Variants in GPR158 observed in about 807,000 individuals in gnomAD.
GPR158 encodes the protein G protein-coupled receptor 158.
A neutral mutation model predicts 78.2 loss-of-function variants in GPR158; 30 were observed. The observed-to-expected ratio is 0.38, with a 90% CI of 0.29 to 0.52. GPR158 has a LOEUF of 0.52. GPR158 is among the 20% of genes least tolerant of loss of function. The pLI is 0.83. For synonymous variants in GPR158, 581 were observed against 591.1 expected, an observed-to-expected ratio of 0.98 and a Z score of 0.25; for missense variants, 1,463 against 1,523.5, an observed-to-expected ratio of 0.96 and a Z score of 0.66.
rs1186495521 is a variant in GPR158 at position 25,600,320 on chromosome 10, G to A, written c.*1046G>A. Reference sequence around the variant, plus strand: ...CTACTTAGCAGCATTTCCAAAGGAAGAAGCTAAGAGTGAGAAAAATATACC... The same window carrying A: ...CTACTTAGCAGCATTTCCAAAGGAAAAAGCTAAGAGTGAGAAAAATATACC... On this transcript the variant is annotated 3_prime_UTR_variant, in exon 11 of 11. Coordinates refer to ENST00000376351, the MANE Select transcript of GPR158 (RefSeq NM_020752.3). The A allele has an allele frequency of 6.6e-6, 1 of 152,510 alleles. No homozygotes were observed. The highest frequency in any genetic ancestry group is 1.9e-4 in the East Asian group (1 of 5,186). The allele number at this position is 152,510 out of a possible 1,614,324, so 9.4% of individuals were successfully genotyped here. A position where few individuals can be genotyped will look rare whatever the true frequency, so the allele number is the denominator to read the frequency against.
At chr10:25,303,019 A>G (rs1854621670) in intron 2 of GPR158, among the ~76,000 whole-genome samples, 1 of 152,202 alleles carries the variant, frequency 6.6e-6, no homozygotes. Flanking sequence ...GGCATTAGGC[A>G]AAGACTCTCA....
intron 2 of GPR158, among the ~76,000 whole-genome samples, chr10:25,380,448 ATATT>A (rs377277284): frequency 6.6e-6 from 1 of 152,174 alleles, no homozygotes; most frequent in African/African-American, 2.4e-5. Flanking sequence ...AGATCTATCT[ATATT>A]TATGTATATA....
chr10:25,397,679 G>A (rs824595), intron 3 of GPR158, among the ~76,000 whole-genome samples: 70,545 of 151,900 alleles, frequency 0.46, 20,246 homozygotes, highest in Non-Finnish European at 0.66. Flanking sequence ...CTCCTCCGCC[G>A]CATATTTCAG....
chr10:25,577,498 A>AAAAC (rs1430980703), intron 7 of GPR158, among the ~76,000 whole-genome samples: 4 of 152,252 alleles, frequency 2.6e-5, no homozygotes, highest in Non-Finnish European at 5.9e-5. Context: ...TTACCCGTCA[A>AAAAC]AAACAATCCC....
intron 2 of GPR158, among the ~76,000 whole-genome samples, chr10:25,370,673 G>T (rs1420465729): frequency 2.7e-5 from 4 of 150,246 alleles, no homozygotes; most frequent in Admixed American, 2.7e-4. Flanking sequence ...TTCTGTAGAT[G>T]TCTATTAGGT....
At chr10:25,539,734 T>G (rs1405546439) in intron 5 of GPR158, among the ~76,000 whole-genome samples, 1 of 152,148 alleles carries the variant, frequency 6.6e-6, no homozygotes, top group Admixed American at 6.5e-5. Flanking sequence ...AGACCATGGT[T>G]GTATAAAGAC....
chr10:25,357,937 G>A (rs898128097), intron 2 of GPR158, among the ~76,000 whole-genome samples: 5 of 152,090 alleles, frequency 3.3e-5, no homozygotes, highest in African/African-American at 1.2e-4. Context: ...GCAGCTGGGA[G>A]GGAGGCTATA....
intron 4 of GPR158, among the ~76,000 whole-genome samples, chr10:25,443,500 A>T (rs970369765): frequency 6.7e-6 from 1 of 149,348 alleles, no homozygotes; most frequent in African/African-American, 2.5e-5. Context: ...AGTTACAGTG[A>T]GCCAAGTTCG....
At chr10:25,515,785 T>A (rs1176931988) in intron 5 of GPR158, among the ~76,000 whole-genome samples, 1 of 147,284 alleles carries the variant, frequency 6.8e-6, no homozygotes, top group Non-Finnish European at 1.5e-5. Context: ...GACATTTGGG[T>A]TGGTTCCAAG....
intron 3 of GPR158, among the ~76,000 whole-genome samples, chr10:25,396,583 G>A (rs978289682): frequency 9.9e-5 from 15 of 152,018 alleles, no homozygotes; most frequent in Non-Finnish European, 1.9e-4. Flanking sequence ...AGGATCGCTT[G>A]AGCTCAGGAG....
At chr10:25,512,048 T>A (rs377011363) in intron 5 of GPR158, among the ~76,000 whole-genome samples, 2 of 152,092 alleles carry the variant, frequency 1.3e-5, no homozygotes, top group South Asian at 2.1e-4. Context: ...AATTTTAGGA[T>A]TGTTTTTCCT....
intron 4 of GPR158, among the ~76,000 whole-genome samples, chr10:25,425,048 CTT>C (rs1834801120): frequency 6.6e-6 from 1 of 152,144 alleles, no homozygotes; most frequent in Non-Finnish European, 1.5e-5. Context: ...TTTGTCTCCT[CTT>C]TTATTTCATT....
intron 2 of GPR158, among the ~76,000 whole-genome samples, chr10:25,361,160 A>G (rs993600114): frequency 6.6e-6 from 1 of 151,950 alleles, no homozygotes; most frequent in African/African-American, 2.4e-5. Context: ...TACTTTAGGT[A>G]CCACAAATAA....
chr10:25,257,273 A>G (rs1853900952), intron 2 of GPR158, among the ~76,000 whole-genome samples: 1 of 152,214 alleles, frequency 6.6e-6, no homozygotes. Context: ...CTGCAGGCTA[A>G]GCCCTCATGA....
intron 2 of GPR158, among the ~76,000 whole-genome samples, chr10:25,395,005 A>G (rs1834348406): frequency 6.6e-6 from 1 of 152,188 alleles, no homozygotes; most frequent in Non-Finnish European, 1.5e-5. Flanking sequence ...TGGTAGAACA[A>G]TATCATGAAA....
intron 2 of GPR158, among the ~76,000 whole-genome samples, chr10:25,295,821 T>A (rs1240251120): frequency 6.6e-6 from 1 of 152,114 alleles, no homozygotes; most frequent in Non-Finnish European, 1.5e-5. Flanking sequence ...ACGGAGAACA[T>A]TCTGTTTGCC....
intron 5 of GPR158, among the ~76,000 whole-genome samples, chr10:25,543,866 C>T (rs988251256): frequency 2.6e-5 from 4 of 152,160 alleles, no homozygotes; most frequent in African/African-American, 9.7e-5. Context: ...GAAAAAACTT[C>T]CCATGGTTAT....
intron 5 of GPR158, among the ~76,000 whole-genome samples, chr10:25,481,936 G>A (rs1414241264): frequency 2.0e-5 from 3 of 152,222 alleles, no homozygotes; most frequent in Non-Finnish European, 4.4e-5. Flanking sequence ...ACTGGGCGGA[G>A]GGGAACAGAC....
Position 25,572,710 on chromosome 10 carries a change from G to A in GPR158, c.1576G>A (p.Val526Ile). Residue 526 changes from valine (V) to isoleucine (I), a missense_variant, in exon 7 of 11, where the codon GTC (valine) becomes ATC (isoleucine). Transcript: ENST00000376351. ...AATTCCATATATGACTGGCGGACGG[G>A]TCATGAGGATGCTGGCAGTAATACT... is the stretch of plus-strand genomic sequence containing the variant. ...QRIPYMTGGRVMRMLAVILLV... is the reference protein window; with the variant it reads ...QRIPYMTGGRIMRMLAVILLV... 1 of 1,614,116 alleles carries A rather than the reference G, an allele frequency of 6.2e-7. No homozygotes were observed. Among genetic ancestry groups the A allele is most frequent in the Non-Finnish European group, 8.5e-7 (1 of 1,179,956 alleles).
Sources: gnomAD v4.1 joint callset for allele counts (sites outside exome capture counted in the v4.1 genomes callset) on GRCh38, gnomAD v4.1.1 for gene constraint, MANE v1.5 for transcripts, NCBI Gene and HGNC (gene_info 2026-07-23, HGNC 2026-07-21) for gene names.